Variants in ENTREP2 observed in about 807,000 individuals in gnomAD.
The protein encoded by ENTREP2 is endosomal transmembrane epsin interactor 2.
At chr15:29,234,739 T>A in the ENTREP2 span, 1 of 1,502,720 alleles carries the variant, frequency 6.7e-7, no homozygotes, top group Non-Finnish European at 9.3e-7. Flanking sequence ...ATTGGCATTG[T>A]CTGTTGGTTT....
chr15:29,630,030 C>G, the ENTREP2 span, among the ~76,000 whole-genome samples: 1 of 152,046 alleles, frequency 6.6e-6, no homozygotes, highest in African/African-American at 2.4e-5. Context: ...GGCAGCAGAA[C>G]GCTTGAACCC....
the ENTREP2 span, among the ~76,000 whole-genome samples, chr15:29,326,131 T>C: frequency 6.6e-6 from 1 of 152,118 alleles, no homozygotes; most frequent in East Asian, 1.9e-4. Flanking sequence ...TCACACCTAA[T>C]AATGAAATAC....
chr15:29,242,159 C>T, the ENTREP2 span, among the ~76,000 whole-genome samples: 1 of 152,172 alleles, frequency 6.6e-6, no homozygotes, highest in Non-Finnish European at 1.5e-5. Flanking sequence ...CTGCAACCTC[C>T]ACTGCACCCC....
At chr15:29,247,111 T>TC in the ENTREP2 span, among the ~76,000 whole-genome samples, 3 of 151,898 alleles carry the variant, frequency 2.0e-5, no homozygotes, top group East Asian at 5.8e-4. Context: ...CACTAGCTAG[T>TC]CTTAAATTAT....
chr15:29,234,561 C>T, the ENTREP2 span: 2 of 1,422,734 alleles, frequency 1.4e-6, no homozygotes, highest in Non-Finnish European at 2.0e-6. Context: ...GATGTGGCAG[C>T]ACGTCGACAG....
At chr15:29,506,765 T>C in the ENTREP2 span, among the ~76,000 whole-genome samples, 2 of 151,936 alleles carry the variant, frequency 1.3e-5, no homozygotes, top group Non-Finnish European at 2.9e-5. Flanking sequence ...AAGCACTAAA[T>C]ATGGAAAGGA....
chr15:29,172,684 T>C, the ENTREP2 span, among the ~76,000 whole-genome samples: 1 of 152,262 alleles, frequency 6.6e-6, no homozygotes, highest in East Asian at 1.9e-4. Context: ...GCCACGGATG[T>C]GGTTGGTGGA....
At chr15:29,214,066 T>C in the ENTREP2 span, among the ~76,000 whole-genome samples, 2 of 152,090 alleles carry the variant, frequency 1.3e-5, no homozygotes, top group Admixed American at 6.5e-5. Flanking sequence ...TGTGGAGAAA[T>C]AGGAACACTT....
At chr15:29,183,152 C>A in the ENTREP2 span, among the ~76,000 whole-genome samples, 1 of 152,154 alleles carries the variant, frequency 6.6e-6, no homozygotes, top group South Asian at 2.1e-4. Context: ...ACAAATGATG[C>A]CCAAAACAAC....
chr15:29,598,709 T>G, the ENTREP2 span, among the ~76,000 whole-genome samples: 1 of 119,842 alleles, frequency 8.3e-6, no homozygotes, highest in Non-Finnish European at 1.9e-5. Flanking sequence ...CTTTTTTTCT[T>G]TTTTTGAGAC....
chr15:29,295,694 C>T, the ENTREP2 span, among the ~76,000 whole-genome samples: 5 of 152,170 alleles, frequency 3.3e-5, no homozygotes, highest in Admixed American at 6.5e-5. Context: ...GTTCCTTGAA[C>T]GGAAGCACTG....
At chr15:29,568,799 CATTT>C in the ENTREP2 span, among the ~76,000 whole-genome samples, 7 of 151,006 alleles carry the variant, frequency 4.6e-5, no homozygotes, top group African/African-American at 1.7e-4. Flanking sequence ...CTGTTTTACA[CATTT>C]ATTTAACTCT....
At chr15:29,552,322 C>T in the ENTREP2 span, among the ~76,000 whole-genome samples, 3 of 152,082 alleles carry the variant, frequency 2.0e-5, no homozygotes, top group East Asian at 5.8e-4. Flanking sequence ...AATCAAGAAA[C>T]AGAAGGTTAT....
chr15:29,373,035 C>T, the ENTREP2 span, among the ~76,000 whole-genome samples: 1 of 151,778 alleles, frequency 6.6e-6, no homozygotes, highest in Non-Finnish European at 1.5e-5. Context: ...AATTATGGTC[C>T]AAGAGAGATC....
the ENTREP2 span, among the ~76,000 whole-genome samples, chr15:29,492,363 G>A: frequency 0.013 from 1,972 of 152,316 alleles, 43 homozygotes; most frequent in African/African-American, 0.045. Context: ...TATGCATAGT[G>A]GGAAACACCT....
chr15:29,451,136 AAGTAAG>A, the ENTREP2 span, among the ~76,000 whole-genome samples: 1 of 152,178 alleles, frequency 6.6e-6, no homozygotes, highest in South Asian at 2.1e-4. Context: ...AGCTCCAAAT[AAGTAAG>A]AGTAACTGTC....
chr15:29,306,757 AC>A, the ENTREP2 span, among the ~76,000 whole-genome samples: 1 of 129,820 alleles, frequency 7.7e-6, no homozygotes, highest in Non-Finnish European at 1.6e-5. Context: ...TGGTGTGATC[AC>A]CCAGGCTGGA....
At chr15:29,442,513 T>G in the ENTREP2 span, among the ~76,000 whole-genome samples, 9 of 152,102 alleles carry the variant, frequency 5.9e-5, no homozygotes, top group Non-Finnish European at 1.0e-4. Flanking sequence ...GTGGGCAGAG[T>G]ACTCTGCCGA....
chr15:29,143,850 G>C, the ENTREP2 span, among the ~76,000 whole-genome samples: 1 of 152,134 alleles, frequency 6.6e-6, no homozygotes, highest in Admixed American at 6.5e-5. Context: ...AAAGAACACA[G>C]AAACAGCAGT....
Sources: gnomAD v4.1 joint callset for allele counts (sites outside exome capture counted in the v4.1 genomes callset) on GRCh38, gnomAD v4.1.1 for gene constraint, MANE v1.5 for transcripts, NCBI Gene and HGNC (gene_info 2026-07-23, HGNC 2026-07-21) for gene names.